The following NEK5 variants were observed in gnomAD, a reference collection of about 807,000 sequenced individuals.
NEK5 encodes serine/threonine-protein kinase Nek5.
Under a neutral mutation model 109.2 loss-of-function variants are expected in NEK5, and 88 were observed. The observed-to-expected ratio is 0.81, with a 90% CI of 0.68 to 0.96. The LOEUF is 0.96. NEK5 is among the 40% of genes least tolerant of loss of function. The probability of loss-of-function intolerance (pLI) is 0.00; values close to 1 mark genes in which losing one functional copy is unlikely to be tolerated. For synonymous variants in NEK5, 283 were observed against 299.9 expected, an observed-to-expected ratio of 0.94 and a Z score of 0.58; for missense variants, 834 against 920.7, an observed-to-expected ratio of 0.91 and a Z score of 1.22.
intron 22 of NEK5, among the ~76,000 whole-genome samples, chr13:52,060,198 T>A (rs1266075427): frequency 6.6e-6 from 1 of 152,118 alleles, no homozygotes; most frequent in South Asian, 2.1e-4. Flanking sequence ...GAAACAAAGA[T>A]ACTTAGATGT....
In NEK5 at chr13:52,061,894, CT is replaced by C; in HGVS notation, c.2034del (p.Ala679LeufsTer5). 24 of 983,908 alleles carry C rather than the reference CT, an allele frequency of 2.4e-5. No individual in the cohort carries two copies. The highest frequency in any genetic ancestry group is 2.9e-5 in the Non-Finnish European group (24 of 828,148). The allele number at this position is 983,908 out of a possible 1,614,324, so 60.9% of individuals were successfully genotyped here. ...AAAACACTCATTAAAGTTCCTGGAG[CT>C]TCATGCCGCCACTGTTTCCTGTTTC... Reference protein sequence around the residue: ...IPGNRKQWRHEAPGTLMSVLA... With the variant: ...IPGNRKQWRHXAPGTLMSVLA... On this transcript the variant is annotated frameshift_variant, in exon 22 of 24. Coordinates refer to ENST00000684899, the MANE Select transcript of NEK5 (RefSeq NM_001365552.1). LOFTEE classifies it high-confidence loss of function.
In NEK5 at chr13:52,065,611, T is replaced by TG; in HGVS notation, c.1850-3dup. 1 of 1,609,620 alleles carries TG rather than the reference T, an allele frequency of 6.2e-7. No individual in the cohort carries two copies. Among genetic ancestry groups the TG allele is most frequent in the Non-Finnish European group, 8.5e-7 (1 of 1,176,030 alleles). ...CAGCTACAGTCTGCGTGGAAAACCC[T>TG]GGGTGTAAGAAAACAACTCATTAAT... On this transcript the variant is annotated splice_region_variant and splice_polypyrimidine_tract_variant and intron_variant, in intron 20 of 23. Coordinates refer to ENST00000684899, the MANE Select transcript of NEK5 (RefSeq NM_001365552.1).
intron 3 of NEK5, among the ~76,000 whole-genome samples, chr13:52,125,139 A>G (rs1344047060): frequency 6.6e-6 from 1 of 152,214 alleles, no homozygotes; most frequent in Admixed American, 6.5e-5. Context: ...TACAATTGTG[A>G]TACCGAGCCT....
At chr13:52,053,306 A>G (rs555060026) in intron 22 of NEK5, among the ~76,000 whole-genome samples, 3 of 152,282 alleles carry the variant, frequency 2.0e-5, no homozygotes, top group African/African-American at 4.8e-5. Context: ...ATAAATAAAT[A>G]AAATAAAAAA....
intron 13 of NEK5, among the ~76,000 whole-genome samples, chr13:52,090,449 G>C (rs1234567726): frequency 3.3e-5 from 5 of 152,154 alleles, no homozygotes; most frequent in Non-Finnish European, 1.5e-5. Flanking sequence ...ACAAGCTAAA[G>C]TCTTTGAGTC....
At chr13:52,110,610 T>C (rs749655794) in intron 5 of NEK5, 33 bp from the exon 6 acceptor site, 2 of 1,317,990 alleles carry the variant, frequency 1.5e-6, no homozygotes, top group Non-Finnish European at 2.2e-6. Context: ...AGCCACTGAA[T>C]AGCCTGGTAG....
At chr13:52,108,445 A>T in intron 7 of NEK5, 41 bp from the exon 8 acceptor site, 1 of 1,296,666 alleles carries the variant, frequency 7.7e-7, no homozygotes, top group Non-Finnish European at 1.1e-6. Context: ...ATGATTTTTT[A>T]TTGGAGTAAG....
chr13:52,127,514 G>T lies in NEK5; in HGVS notation c.-22-10C>A. ...CAATGGGCTGAGTTTCCTGGAATTA[G>T]AGTAATGTAAATTTATCACACACGT... On this transcript the variant is annotated splice_polypyrimidine_tract_variant and intron_variant, in intron 2 of 23. Coordinates refer to ENST00000684899, the MANE Select transcript of NEK5 (RefSeq NM_001365552.1). The T allele has an allele frequency of 8.7e-7, 1 of 1,148,876 alleles. No homozygotes were observed. The highest frequency in any genetic ancestry group is 1.3e-6 in the Non-Finnish European group (1 of 759,620). The allele number at this position is 1,148,876 out of a possible 1,614,324, so 71.2% of individuals were successfully genotyped here. A position where few individuals can be genotyped will look rare whatever the true frequency, so the allele number is the denominator to read the frequency against.
At chr13:52,052,206 C>A (rs1355670615) in intron 22 of NEK5, among the ~76,000 whole-genome samples, 2 of 144,958 alleles carry the variant, frequency 1.4e-5, no homozygotes, top group Admixed American at 1.5e-4. Context: ...TAAAAGCAAA[C>A]TGTACCCTGA....
intron 17 of NEK5, among the ~76,000 whole-genome samples, chr13:52,080,306 G>T (rs1206323907): frequency 1.3e-5 from 2 of 149,240 alleles, no homozygotes; most frequent in African/African-American, 2.5e-5. Context: ...CGCCTCGTCC[G>T]GGAGGTGAGG....
At chr13:52,108,058 T>C (rs1181438327) in intron 8 of NEK5, among the ~76,000 whole-genome samples, 2 of 152,150 alleles carry the variant, frequency 1.3e-5, no homozygotes. Flanking sequence ...CTGGTGATAA[T>C]TTCCAGGCCT....
At chr13:52,115,303 CAG>C (rs1270069833) in intron 4 of NEK5, among the ~76,000 whole-genome samples, 2 of 151,800 alleles carry the variant, frequency 1.3e-5, no homozygotes, top group Admixed American at 1.3e-4. Context: ...GCCCGGCCGA[CAG>C]AGATAGCTTA....
intron 3 of NEK5, among the ~76,000 whole-genome samples, chr13:52,120,080 G>A (rs1386789868): frequency 6.6e-6 from 1 of 152,040 alleles, no homozygotes; most frequent in Non-Finnish European, 1.5e-5. Context: ...TGACTGCCCC[G>A]CTTTTCTGAT....
intron 4 of NEK5, among the ~76,000 whole-genome samples, chr13:52,115,162 C>T (rs569351408): frequency 5.3e-5 from 8 of 151,766 alleles, no homozygotes; most frequent in Non-Finnish European, 8.8e-5. Context: ...TACAGGCGCC[C>T]GCCACCATGC....
At chr13:52,105,058 A>G (rs1326191291) in intron 8 of NEK5, among the ~76,000 whole-genome samples, 1 of 152,256 alleles carries the variant, frequency 6.6e-6, no homozygotes, top group African/African-American at 2.4e-5. Context: ...TTACAGATTT[A>G]GTACTTCATA....
At chr13:52,046,322 A>T (rs1465556998) in intron 23 of NEK5, among the ~76,000 whole-genome samples, 4 of 150,578 alleles carry the variant, frequency 2.7e-5, no homozygotes, top group Admixed American at 6.6e-5. Flanking sequence ...ACAAAAAAAA[A>T]AAAAAATAGC....
At chr13:52,081,094 A>G (rs1356852362) in intron 17 of NEK5, among the ~76,000 whole-genome samples, 1 of 152,206 alleles carries the variant, frequency 6.6e-6, no homozygotes, top group African/African-American at 2.4e-5. Context: ...ACAAAAGTCT[A>G]GCATGCCATG....
chr13:52,076,015 C>A, intron 18 of NEK5, 48 bp downstream of exon 18: 1 of 1,215,762 alleles, frequency 8.2e-7, no homozygotes, highest in Non-Finnish European at 1.2e-6. Context: ...AAGGTGGCTC[C>A]CCAGCCAGCT....
At chr13:52,058,819 C>A (rs1351583015) in intron 22 of NEK5, among the ~76,000 whole-genome samples, 2 of 152,196 alleles carry the variant, frequency 1.3e-5, no homozygotes, top group Non-Finnish European at 2.9e-5. Flanking sequence ...GGATTAAAGA[C>A]TTAAACGTTA....
Sources: gnomAD v4.1 joint callset for allele counts (sites outside exome capture counted in the v4.1 genomes callset) on GRCh38, gnomAD v4.1.1 for gene constraint, MANE v1.5 for transcripts, NCBI Gene and HGNC (gene_info 2026-07-23, HGNC 2026-07-21) for gene names.